JPH3: variants seen among roughly 807,000 people sequenced by gnomAD.
The protein encoded by JPH3 is junctophilin-3.
JPH3 carries 11 observed loss-of-function variants against 59.6 expected under a neutral mutation model. That is an observed-to-expected ratio of 0.18 (90% CI 0.12 to 0.31). JPH3 has a LOEUF of 0.31. JPH3 is among the 10% of genes least tolerant of loss of function. JPH3 has a pLI of 1.00. For synonymous variants in JPH3, 673 were observed against 483.6 expected (o/e 1.39, Z -5.14); for missense variants, 1,202 against 1,105.7 (o/e 1.09, Z -1.24).
At chr16:87,658,352 C>CCTTCTCCCCG (rs1490431633) in intron 2 of JPH3, among the ~76,000 whole-genome samples, 1 of 152,024 alleles carries the variant, frequency 6.6e-6, no homozygotes, top group Non-Finnish European at 1.5e-5. Flanking sequence ...CTCTCTCTCT[C>CCTTCTCCCCG]CTTCTCCCCG....
rs1484179520 is a variant in JPH3 at position 87,644,957 on chromosome 16, A to T, written c.1082A>T (p.Glu361Val). ...LIPLRASKIR[E>V]KVDRAVEAAE... The stretch of plus-strand genomic sequence containing the variant: ...CCCCTGCGGGCCAGCAAGATCCGCG[A>T]GAAGGTGGACCGCGCCGTTGAGGCC... The change falls in exon 2 of 5, where the codon GAG becomes GTG. Residue 361 changes from glutamate to valine, a missense_variant. Coordinates refer to ENST00000284262, the MANE Select transcript of JPH3 (RefSeq NM_020655.4). 1 of 1,611,504 alleles carries T rather than the reference A, an allele frequency of 6.2e-7. No homozygotes were observed. Among genetic ancestry groups the T allele is most frequent in the Non-Finnish European group, 8.5e-7 (1 of 1,179,886 alleles).
chr16:87,616,220 G>A (rs1347456542), intron 1 of JPH3, among the ~76,000 whole-genome samples: 14 of 145,728 alleles, frequency 9.6e-5, no homozygotes, highest in Admixed American at 1.4e-4. Flanking sequence ...GTGTGTGTGT[G>A]TGTGTGTGTG....
At chr16:87,658,740 C>T (rs1278990705) in intron 2 of JPH3, among the ~76,000 whole-genome samples, 1 of 152,172 alleles carries the variant, frequency 6.6e-6, no homozygotes, top group Non-Finnish European at 1.5e-5. Flanking sequence ...GAAGAGCTGC[C>T]TTTCCTAAGC....
intron 2 of JPH3, among the ~76,000 whole-genome samples, chr16:87,645,601 C>T (rs916835734): frequency 2.0e-5 from 3 of 152,194 alleles, no homozygotes; most frequent in African/African-American, 4.8e-5. Flanking sequence ...TGTTCTGAAT[C>T]GGCTGCATGA....
intron 1 of JPH3, among the ~76,000 whole-genome samples, chr16:87,636,250 G>A (rs74764506): frequency 0.036 from 5,521 of 152,284 alleles, 149 homozygotes; most frequent in African/African-American, 0.071. Flanking sequence ...GGGTGGGGGC[G>A]GGGGCGTCCT....
rs1567613521 is a variant in JPH3, at chr16:87,684,134, T to A, written c.1161-8T>A. 1 of 1,612,056 alleles carries A rather than the reference T, an allele frequency of 6.2e-7. No homozygotes were observed. Among genetic ancestry groups the A allele is most frequent in the Non-Finnish European group, 8.5e-7 (1 of 1,179,186 alleles). ...GCCCCCCCTCACGCTCCTCCCTGTCTCCCCCAGGACCTCCCACTCTCGGGC... is the reference window on the plus strand; with the variant it reads ...GCCCCCCCTCACGCTCCTCCCTGTCACCCCCAGGACCTCCCACTCTCGGGC... On this transcript the variant is annotated splice_polypyrimidine_tract_variant and splice_region_variant and intron_variant, in intron 2 of 4. Transcript: ENST00000284262.
chr16:87,682,469 C>A (rs1340383574), intron 2 of JPH3, among the ~76,000 whole-genome samples: 1 of 152,046 alleles, frequency 6.6e-6, no homozygotes, highest in African/African-American at 2.4e-5. Context: ...GAGGACTGAG[C>A]CTCATAGTGG....
intron 2 of JPH3, 51 bp downstream of exon 2, chr16:87,645,086 G>C (rs773443514): frequency 9.7e-6 from 15 of 1,545,666 alleles, no homozygotes; most frequent in African/African-American, 1.4e-5. Context: ...GAAGGTGTTT[G>C]TGAGCCCAGT....
intron 1 of JPH3, among the ~76,000 whole-genome samples, chr16:87,628,819 G>A (rs951806188): frequency 6.6e-6 from 1 of 151,996 alleles, no homozygotes; most frequent in Non-Finnish European, 1.5e-5. Flanking sequence ...AAGCAGAGTC[G>A]GTCCCCAGCA....
chr16:87,657,041 C>T (rs920861768), intron 2 of JPH3, among the ~76,000 whole-genome samples: 2 of 152,104 alleles, frequency 1.3e-5, no homozygotes, highest in African/African-American at 2.4e-5. Flanking sequence ...CCTTAAAGGC[C>T]CTATCTCCAC....
chr16:87,690,663 C>A (rs2033545601), intron 4 of JPH3, 137 bp downstream of exon 4: 1 of 964,674 alleles, frequency 1.0e-6, no homozygotes, highest in Non-Finnish European at 1.4e-6. Context: ...GGGGGTACAG[C>A]CGGGAGTGGT....
chr16:87,676,105 A>G (rs1008186390), intron 2 of JPH3, among the ~76,000 whole-genome samples: 4 of 152,238 alleles, frequency 2.6e-5, no homozygotes, highest in Non-Finnish European at 5.9e-5. Flanking sequence ...ATGTGCTAAA[A>G]ACCAGTGAAT....
chr16:87,607,530 C>T (rs929156186), intron 1 of JPH3, among the ~76,000 whole-genome samples: 1 of 152,262 alleles, frequency 6.6e-6, no homozygotes, highest in African/African-American at 2.4e-5. Flanking sequence ...GCCCTTGCGG[C>T]CTTGCTTGCT....
At chr16:87,636,031 C>T (rs76667311) in intron 1 of JPH3, among the ~76,000 whole-genome samples, 1 of 152,352 alleles carries the variant, frequency 6.6e-6, no homozygotes, top group Non-Finnish European at 1.5e-5. Flanking sequence ...CCGAGCCAGA[C>T]CCTCGCGGCG....
At chr16:87,610,184 C>T (rs747079326) in intron 1 of JPH3, among the ~76,000 whole-genome samples, 2 of 152,174 alleles carry the variant, frequency 1.3e-5, no homozygotes, top group Admixed American at 6.5e-5. Flanking sequence ...CGTTGGAGAG[C>T]GGCTGTAAAT....
chr16:87,677,021 T>C (rs1251532158), intron 2 of JPH3, among the ~76,000 whole-genome samples: 14 of 151,302 alleles, frequency 9.3e-5, no homozygotes, highest in Non-Finnish European at 1.6e-4. Context: ...TAGCCGGGCG[T>C]GGTGGCGGGC....
At chr16:87,632,908 A>AAT (rs1555535681) in intron 1 of JPH3, among the ~76,000 whole-genome samples, 2 of 151,394 alleles carry the variant, frequency 1.3e-5, no homozygotes, top group African/African-American at 4.9e-5. Flanking sequence ...AAAAAAAAAA[A>AAT]TTTTGGTAGA....
intron 1 of JPH3, among the ~76,000 whole-genome samples, chr16:87,629,538 C>T (rs1269691863): frequency 5.3e-5 from 8 of 151,986 alleles, no homozygotes; most frequent in East Asian, 1.9e-4. Flanking sequence ...ACAGCGGTGA[C>T]GACGCGGAGC....
At chr16:87,629,615 A>G (rs992254086) in intron 1 of JPH3, among the ~76,000 whole-genome samples, 2 of 149,188 alleles carry the variant, frequency 1.3e-5, no homozygotes, top group African/African-American at 4.9e-5. Context: ...TGGGGTTCCA[A>G]CTAGATGGCG....
Sources: allele counts gnomAD v4.1 joint callset (sites outside exome capture counted in the v4.1 genomes callset), GRCh38; gene constraint gnomAD v4.1.1; transcripts MANE v1.5; gene names NCBI Gene and HGNC (gene_info 2026-07-23, HGNC 2026-07-21).